The following PI4KA variants were observed in gnomAD, a reference collection of about 807,000 sequenced individuals.
PI4KA encodes phosphatidylinositol 4-kinase alpha.
A neutral mutation model predicts 271.4 loss-of-function variants in PI4KA; 122 were observed. The observed-to-expected ratio is 0.45, with a 90% confidence interval of 0.39 to 0.52. PI4KA has a LOEUF of 0.52. Among genes scored for constraint, PI4KA ranks in the 20% least tolerant of loss-of-function variants. PI4KA has a pLI of 0.00. For synonymous variants in PI4KA, 1,041 were observed against 1,078.8 expected, an observed-to-expected ratio of 0.96 and a Z score of 0.69; for missense variants, 1,969 against 2,769.1, an observed-to-expected ratio of 0.71 and a Z score of 6.48.
At chr22:20,771,196 G>A (rs969728856) in intron 19 of PI4KA, among the ~76,000 whole-genome samples, 7 of 152,162 alleles carry the variant, frequency 4.6e-5, no homozygotes, top group African/African-American at 7.2e-5. Flanking sequence ...AGGCCGATGC[G>A]GGCGGATCAT....
chr22:20,798,950 T>C (rs1012000242), intron 16 of PI4KA, 143 bp downstream of exon 16: 1 of 688,840 alleles, frequency 1.5e-6, no homozygotes, highest in African/African-American at 1.8e-5. Flanking sequence ...CTTACACTAT[T>C]CTTACTACTC....
intron 23 of PI4KA, among the ~76,000 whole-genome samples, chr22:20,758,429 G>T (rs1931565496): frequency 1.5e-5 from 2 of 131,208 alleles, no homozygotes; most frequent in Admixed American, 7.6e-5. Flanking sequence ...AATATTATAA[G>T]ATTTTTTGTG....
At position 20,813,430 on chromosome 22, in the gene PI4KA, A is replaced by T. The variant is rs1469064979; in HGVS notation, c.933T>A (p.Ser311=). ...TATATGTGACACCGTTGAAAAGGGGAGAGACTGAGAAGCTGGAGCTGATGG... is the reference window on the plus strand; with the variant it reads ...TATATGTGACACCGTTGAAAAGGGGTGAGACTGAGAAGCTGGAGCTGATGG... ...FSTISSSFSV[S]PLFNGVTYKE... The change falls in exon 8 of 55, where the codon TCT becomes TCA. Residue 311 remains serine, a synonymous_variant. Transcript: ENST00000255882. 1.9e-6 allele frequency: 3 copies of T among 1,613,392 alleles called. No individual in the cohort carries two copies. The highest frequency in any genetic ancestry group is 2.5e-6 in the Non-Finnish European group (3 of 1,179,402).
intron 19 of PI4KA, among the ~76,000 whole-genome samples, chr22:20,775,499 C>T (rs1933197342): frequency 6.6e-6 from 1 of 152,156 alleles, no homozygotes. Flanking sequence ...CTTCTGAATA[C>T]CGGGATAAAA....
At chr22:20,719,035 C>T (rs865950680) in intron 43 of PI4KA, among the ~76,000 whole-genome samples, 2 of 152,338 alleles carry the variant, frequency 1.3e-5, no homozygotes, top group Non-Finnish European at 1.5e-5. Context: ...GAGCTCAAGG[C>T]AGGGGCCAAG....
At chr22:20,762,268 C>A (rs1033532955) in intron 22 of PI4KA, among the ~76,000 whole-genome samples, 6 of 152,166 alleles carry the variant, frequency 3.9e-5, no homozygotes, top group Non-Finnish European at 8.8e-5. Flanking sequence ...CTCAGGAGGG[C>A]AGGCCAGGTG....
intron 23 of PI4KA, among the ~76,000 whole-genome samples, chr22:20,755,893 A>C (rs1469408384): frequency 2.0e-5 from 3 of 152,124 alleles, no homozygotes; most frequent in African/African-American, 7.2e-5. Context: ...TAAAATGCCA[A>C]TTCACACTCC....
intron 40 of PI4KA, 65 bp from the exon 41 acceptor site, chr22:20,727,462 C>A: frequency 1.4e-6 from 2 of 1,416,766 alleles, no homozygotes. Context: ...ATACCTGGTC[C>A]ACGGGCCACA....
chr22:20,800,931 C>T (rs565821755), intron 14 of PI4KA, among the ~76,000 whole-genome samples: 360 of 147,826 alleles, frequency 2.4e-3, no homozygotes, highest in Non-Finnish European at 4.2e-3. Context: ...GCTCTTGTTG[C>T]CCAGGCTGGA....
intron 19 of PI4KA, among the ~76,000 whole-genome samples, chr22:20,775,156 C>T (rs1933166903): frequency 6.6e-6 from 1 of 151,734 alleles, no homozygotes; most frequent in Non-Finnish European, 1.5e-5. Flanking sequence ...CAACCCAGCT[C>T]TGGCAATTAG....
In PI4KA at chr22:20,751,728, A is replaced by G; in HGVS notation, c.3015T>C (p.Thr1005=). ...GGATGTCCAGCATGGTCTTCAGCAC[A>G]GTCCCGCTCCAGAGCAAGTGGGGAA... ...DKFPHLLWSG[T]VLKTMLDILQ... is the part of the protein sequence containing the mutation. The change falls in exon 26 of 55, where the codon ACT becomes ACC. Residue 1005 remains threonine, a synonymous_variant. Transcript: ENST00000255882. 6.2e-7 allele frequency: 1 copy of G among 1,614,120 alleles called. No homozygotes were observed. The highest frequency in any genetic ancestry group is 1.1e-5 in the South Asian group (1 of 91,076).
chr22:20,850,396 T>C (rs879229698), intron 1 of PI4KA, among the ~76,000 whole-genome samples: 6 of 151,932 alleles, frequency 3.9e-5, no homozygotes, highest in Admixed American at 1.3e-4. Flanking sequence ...TGGTGGCGCA[T>C]GCTAAAGGAG....
chr22:20,721,187 G>C, intron 43 of PI4KA, 111 bp downstream of exon 43: 1 of 1,101,302 alleles, frequency 9.1e-7, no homozygotes, highest in Non-Finnish European at 1.4e-6. Flanking sequence ...GGAGTGGAGG[G>C]GTCGGTGAGC....
At chr22:20,856,002 C>T (rs1338565602) in intron 1 of PI4KA, among the ~76,000 whole-genome samples, 4 of 152,230 alleles carry the variant, frequency 2.6e-5, no homozygotes, top group Admixed American at 6.5e-5. Context: ...TTAGTAATAG[C>T]TAGGCACAGT....
At chr22:20,788,990 T>C (rs1034972893) in intron 19 of PI4KA, among the ~76,000 whole-genome samples, 7 of 152,182 alleles carry the variant, frequency 4.6e-5, no homozygotes, top group Non-Finnish European at 5.9e-5. Context: ...CTACAGCCGG[T>C]GTGGAGTCCT....
Position 20,709,965 on chromosome 22 carries a change from G to A in PI4KA, c.6116C>T (p.Thr2039Ile). The change falls in exon 53 of 55, where the codon ACT becomes ATT. Residue 2039 changes from threonine to isoleucine, a missense_variant. By Grantham distance (89) the Thr-to-Ile change is moderately conservative. This residue lies in a region of PI4KA where 110 missense variants were observed against 349.8 expected (regional missense o/e 0.31). Transcript: ENST00000255882. ...PYMDAVVSLVTLMLDTGLPCF... is the reference protein window; with the variant it reads ...PYMDAVVSLVILMLDTGLPCF... ...GGGCAGGCCCGTGTCCAACATGAGA[G>A]TGACCAGGGAGACGACCGCGTCCAT... 1.2e-6 allele frequency: 2 copies of A among 1,613,794 alleles called. No homozygotes were observed. The highest frequency in any genetic ancestry group is 8.5e-7 in the Non-Finnish European group (1 of 1,179,704).
chr22:20,786,829 T>G, intron 19 of PI4KA: 1 of 1,578,248 alleles, frequency 6.3e-7, no homozygotes, highest in Non-Finnish European at 8.7e-7. Flanking sequence ...ACTCTAGCCC[T>G]CTGTGTGCTG....
intron 30 of PI4KA, chr22:20,743,043 C>A: frequency 2.1e-6 from 1 of 466,134 alleles, no homozygotes; most frequent in Non-Finnish European, 3.9e-6. Flanking sequence ...TCATTGTACC[C>A]AGCAGTGAGC....
intron 9 of PI4KA, among the ~76,000 whole-genome samples, chr22:20,810,288 C>T (rs1339416981): frequency 2.0e-5 from 3 of 152,036 alleles, no homozygotes; most frequent in Non-Finnish European, 4.4e-5. Context: ...AGGCAGATCA[C>T]GAGGTCAGGA....
Sources: gnomAD v4.1 joint callset for allele counts (sites outside exome capture counted in the v4.1 genomes callset) on GRCh38, gnomAD v4.1.1 for gene constraint, gnomAD v4.1.1 regional missense constraint, MANE v1.5 for transcripts, NCBI Gene and HGNC (gene_info 2026-07-23, HGNC 2026-07-21) for gene names.